The following CNTLN variants were observed in gnomAD, a reference collection of about 807,000 sequenced individuals.
CNTLN encodes the protein centlein, also known as centlein, centrosomal protein.
A neutral mutation model predicts 180.0 loss-of-function variants in CNTLN; 212 were observed. The ratio of observed to expected loss-of-function variants is 1.18; its 90% CI spans 1.05 to 1.32. The LOEUF is 1.32. Among genes scored for constraint, CNTLN ranks in the 40% most tolerant of loss-of-function variants. CNTLN has a pLI of 0.00. For missense variants in CNTLN, 2,095 were observed against 1,610.9 expected (o/e 1.30, Z -5.14); for synonymous variants, 722 against 563.1 (o/e 1.28, Z -3.99).
chr9:17,258,894 T>C (rs1258033125), intron 5 of CNTLN, among the ~76,000 whole-genome samples: 2 of 146,162 alleles, frequency 1.4e-5, no homozygotes, highest in African/African-American at 5.3e-5. Context: ...TGGGGTTTTC[T>C]AGATATACAT....
chr9:17,373,902 A>T (rs1391857737), intron 13 of CNTLN, among the ~76,000 whole-genome samples: 1 of 152,190 alleles, frequency 6.6e-6, no homozygotes, highest in East Asian at 1.9e-4. Flanking sequence ...CTGGGAAAAC[A>T]AGATATTCAT....
At chr9:17,300,447 G>T (rs1039109140) in intron 7 of CNTLN, 1 of 152,070 alleles carries the variant, frequency 6.6e-6, no homozygotes, top group East Asian at 1.9e-4. Context: ...CATACTGAAC[G>T]TGTTCAAAAC....
intron 12 of CNTLN, among the ~76,000 whole-genome samples, chr9:17,350,890 A>G (rs16935548): frequency 0.017 from 2,539 of 152,288 alleles, 45 homozygotes; most frequent in African/African-American, 0.041. Flanking sequence ...CAGCTGACCA[A>G]CATATGTCAT....
intron 6 of CNTLN, among the ~76,000 whole-genome samples, chr9:17,277,523 G>T (rs1392553464): frequency 6.6e-6 from 1 of 151,824 alleles, no homozygotes; most frequent in Non-Finnish European, 1.5e-5. Context: ...CTAGCACATA[G>T]TCAGAAATAA....
At chr9:17,202,167 G>A (rs934993499) in intron 2 of CNTLN, among the ~76,000 whole-genome samples, 1 of 152,188 alleles carries the variant, frequency 6.6e-6, no homozygotes, top group Non-Finnish European at 1.5e-5. Context: ...TTCATCCTGA[G>A]TTCTAATTTG....
At chr9:17,308,569 A>G (rs1046319296) in intron 7 of CNTLN, among the ~76,000 whole-genome samples, 1 of 152,024 alleles carries the variant, frequency 6.6e-6, no homozygotes, top group South Asian at 2.1e-4. Context: ...GTCCGATTAA[A>G]CTGATATACC....
chr9:17,144,252 A>C (rs967191326), intron 2 of CNTLN, among the ~76,000 whole-genome samples: 5 of 152,208 alleles, frequency 3.3e-5, no homozygotes, highest in Non-Finnish European at 7.3e-5. Context: ...GGTTATTATG[A>C]ACACTTAAAA....
At chr9:17,465,161 T>C (rs1174425334) in intron 21 of CNTLN, among the ~76,000 whole-genome samples, 1 of 149,810 alleles carries the variant, frequency 6.7e-6, no homozygotes, top group African/African-American at 2.4e-5. Flanking sequence ...TCACAACTCA[T>C]AAAGCACCCT....
chr9:17,375,652 T>A (rs926340967), intron 13 of CNTLN, among the ~76,000 whole-genome samples: 1 of 152,192 alleles, frequency 6.6e-6, no homozygotes, highest in Admixed American at 6.5e-5. Context: ...ATATCAATAA[T>A]TCGTTAATAT....
chr9:17,460,912 G>T (rs1010332767), intron 19 of CNTLN, among the ~76,000 whole-genome samples: 1 of 151,530 alleles, frequency 6.6e-6, no homozygotes, highest in African/African-American at 2.4e-5. Flanking sequence ...AGAAGTATGC[G>T]TATTAAGGGG....
chr9:17,196,955 A>C (rs1587100097), intron 2 of CNTLN, among the ~76,000 whole-genome samples: 1 of 152,152 alleles, frequency 6.6e-6, no homozygotes, highest in Non-Finnish European at 1.5e-5. Flanking sequence ...TATTCAGTCT[A>C]TCAAAGTGTA....
chr9:17,237,792 G>T (rs1205885807), intron 5 of CNTLN, among the ~76,000 whole-genome samples: 1 of 152,006 alleles, frequency 6.6e-6, no homozygotes, highest in Non-Finnish European at 1.5e-5. Flanking sequence ...TAAGTTAGGG[G>T]AGAAGGATAC....
chr9:17,247,587 C>T (rs566611975), intron 5 of CNTLN, among the ~76,000 whole-genome samples: 25 of 152,224 alleles, frequency 1.6e-4, no homozygotes, highest in African/African-American at 5.8e-4. Context: ...ATGTTAAAAC[C>T]AGGTACTGTG....
At chr9:17,466,574 T>C in intron 22 of CNTLN, 132 bp from the exon 23 acceptor site, 1 of 669,736 alleles carries the variant, frequency 1.5e-6, no homozygotes, top group South Asian at 2.3e-5. Flanking sequence ...ATGAAAATAA[T>C]CATTAATTTT....
intron 6 of CNTLN, among the ~76,000 whole-genome samples, chr9:17,292,133 C>G (rs563668971): frequency 2.6e-5 from 4 of 152,338 alleles, no homozygotes; most frequent in African/African-American, 9.6e-5. Flanking sequence ...GGCCCCCAAT[C>G]TCTTCTCGCT....
chr9:17,370,427 C>T (rs990256748), intron 13 of CNTLN, among the ~76,000 whole-genome samples: 5 of 148,652 alleles, frequency 3.4e-5, no homozygotes, highest in Non-Finnish European at 7.4e-5. Context: ...AAGGAAAAAA[C>T]AACAACAGAC....
intron 5 of CNTLN, among the ~76,000 whole-genome samples, chr9:17,268,959 A>G (rs570071442): frequency 1.3e-5 from 2 of 152,124 alleles, no homozygotes; most frequent in African/African-American, 2.4e-5. Flanking sequence ...TGACTAGGAA[A>G]GGGAACTCCC....
chr9:17,506,248 T>C (rs1037227638), downstream of CNTLN, among the ~76,000 whole-genome samples: 1 of 151,956 alleles, frequency 6.6e-6, no homozygotes, highest in South Asian at 2.1e-4. Flanking sequence ...AGAAGCATGA[T>C]GCAAAAAAGA....
chr9:17,429,097 A>G (rs78269681), intron 18 of CNTLN, among the ~76,000 whole-genome samples: 5,300 of 152,156 alleles, frequency 0.035, 148 homozygotes, highest in East Asian at 0.17. Context: ...TTAAATAAAA[A>G]TACCACTTTA....
Sources: allele counts gnomAD v4.1 joint callset (sites outside exome capture counted in the v4.1 genomes callset), GRCh38; gene constraint gnomAD v4.1.1; transcripts MANE v1.5; gene names NCBI Gene and HGNC (gene_info 2026-07-23, HGNC 2026-07-21).